The following ACOT11 variants were observed in gnomAD, a reference collection of about 807,000 sequenced individuals.
ACOT11 encodes acyl-coenzyme A thioesterase 11.
In ACOT11, 69 loss-of-function variants were observed where a neutral mutation model predicts 77.5. The observed-to-expected ratio is 0.89, with a 90% CI of 0.73 to 1.09. The LOEUF is 1.09. Ranked by LOEUF, ACOT11 falls within the 50% of genes least tolerant of loss-of-function variation. The probability of loss-of-function intolerance (pLI) is 0.00; values close to 1 mark genes in which losing one functional copy is unlikely to be tolerated. For synonymous variants in ACOT11, 279 were observed against 313.0 expected (o/e 0.89, Z 1.15); for missense variants, 766 against 813.7 (o/e 0.94, Z 0.71).
Position 54,594,049 on chromosome 1 carries a change from T to A in ACOT11, c.471+10T>A. Reference sequence around the variant, plus strand: ...CCGAGAGATCACCAAGGTAACTGGGTGCGCCTGGCTGCTGGAACGCTGCTC... The same window carrying A: ...CCGAGAGATCACCAAGGTAACTGGGAGCGCCTGGCTGCTGGAACGCTGCTC... On this transcript the variant is annotated intron_variant, in intron 5 of 15. Transcript: ENST00000343744. 1 of 1,611,132 alleles carries A rather than the reference T, an allele frequency of 6.2e-7. No individual in the cohort carries two copies. The highest frequency in any genetic ancestry group is 8.5e-7 in the Non-Finnish European group (1 of 1,178,398).
At chr1:54,601,508 A>G (rs1643963059) in intron 9 of ACOT11, 95 bp downstream of exon 9, 5 of 1,522,078 alleles carry the variant, frequency 3.3e-6, no homozygotes, top group Non-Finnish European at 3.5e-6. Flanking sequence ...ACAGACCTAG[A>G]GGCGTGAGGG....
chr1:54,610,651 C>T, downstream of ACOT11: 1 of 1,502,588 alleles, frequency 6.7e-7, no homozygotes, highest in Non-Finnish European at 8.9e-7. Flanking sequence ...CTACGGGCAT[C>T]CTCTCTAAGC....
rs1557667902 is a variant in ACOT11 at position 54,609,434 on chromosome 1, G to A, written c.*322G>A. On this transcript the variant is annotated 3_prime_UTR_variant, in exon 16 of 16. Coordinates refer to ENST00000343744, the MANE Select transcript of ACOT11 (RefSeq NM_147161.4). ...CACTGTGACGGTGGCCCGGGGGGAG[G>A]ATGCCAGCAGCCTGCCTATGGCTCC... The A allele has an allele frequency of 1.9e-6, 3 of 1,613,760 alleles. No homozygotes were observed. The highest frequency in any genetic ancestry group is 2.5e-6 in the Non-Finnish European group (3 of 1,180,026).
downstream of ACOT11, chr1:54,612,339 C>A: frequency 6.5e-6 from 4 of 615,870 alleles, no homozygotes; most frequent in Non-Finnish European, 1.1e-5. Flanking sequence ...GGTATGCAAG[C>A]AGAAAGCAGG....
chr1:54,562,258 A>T, intron 1 of ACOT11, among the ~76,000 whole-genome samples: 1 of 85,348 alleles, frequency 1.2e-5, no homozygotes, highest in Non-Finnish European at 2.3e-5. Context: ...GCGGCTGGCC[A>T]GGCGGGGGGC....
chr1:54,623,554 A>T (rs1644251998), intron 15 of ACOT11: 2 of 646,182 alleles, frequency 3.1e-6, no homozygotes, highest in Non-Finnish European at 5.5e-6. Flanking sequence ...CTCTGGAGAT[A>T]ACCCCTGAAG....
intron 3 of ACOT11, among the ~76,000 whole-genome samples, chr1:54,590,384 C>T (rs904124920): frequency 7.9e-5 from 12 of 152,046 alleles, no homozygotes; most frequent in Admixed American, 5.2e-4. Flanking sequence ...CCGGGAGCTC[C>T]GGGGCCCTGA....
chr1:54,604,965 A>G (rs1474308986), intron 12 of ACOT11, 111 bp from the exon 13 acceptor site: 2 of 1,154,540 alleles, frequency 1.7e-6, no homozygotes, highest in Admixed American at 2.2e-5. Context: ...CTGCGTGTTC[A>G]CATTCACACA....
chr1:54,586,281 C>T lies in ACOT11; in HGVS notation c.311+377C>T, dbSNP rs369157203. Among the ~76,000 whole-genome samples, 14 of 141,328 alleles carry T rather than the reference C, an allele frequency of 9.9e-5. No homozygotes were observed. The East Asian group carries it at 1.5e-3, about 15-fold the overall frequency. 92.7% of individuals were successfully genotyped at this position (141,328 alleles called of 152,430 possible). On this transcript the variant is annotated intron_variant, in intron 3 of 15. Coordinates refer to ENST00000343744, the MANE Select transcript of ACOT11 (RefSeq NM_147161.4). ...GTGCCTTTTTGAGCTTGGACATTCT[C>T]TTTGGGTCCTTGGTCATTGGGCTGT...
chr1:54,616,099 G>C, intron 15 of ACOT11: 1 of 1,614,172 alleles, frequency 6.2e-7, no homozygotes, highest in Non-Finnish European at 8.5e-7. Flanking sequence ...GGTGTGCCAT[G>C]ATGGGAACTC....
At chr1:54,623,093 T>G (rs561090354) in intron 15 of ACOT11, among the ~76,000 whole-genome samples, 101 of 151,728 alleles carry the variant, frequency 6.7e-4, no homozygotes, top group African/African-American at 2.4e-3. Context: ...GGAGAATCGC[T>G]TGAACCTGGG....
chr1:54,569,125 ATAAT>A (rs1166025078), intron 1 of ACOT11, among the ~76,000 whole-genome samples: 146 of 144,066 alleles, frequency 1.0e-3, no homozygotes, highest in African/African-American at 3.8e-3. Context: ...AAAAAAAAAA[ATAAT>A]TTTTTTTTTT....
At chr1:54,582,521 A>C (rs1654347690) in intron 1 of ACOT11, 1 of 985,328 alleles carries the variant, frequency 1.0e-6, no homozygotes, top group African/African-American at 1.7e-5. Flanking sequence ...CCCGTGGCAT[A>C]GGGTCCAACA....
chr1:54,614,695 C>G (rs775444262), downstream of ACOT11: 138 of 1,609,022 alleles, frequency 8.6e-5, 1 homozygote, highest in Non-Finnish European at 1.1e-4. Flanking sequence ...GAGGCGAACA[C>G]TCACTGTGTG....
At chr1:54,631,002 C>T (rs538201033) in intron 16 of ACOT11, 12 of 487,910 alleles carry the variant, frequency 2.5e-5, no homozygotes, top group African/African-American at 1.8e-4. Context: ...AACAGTATAG[C>T]GAAGTAACAG....
intron 15 of ACOT11, among the ~76,000 whole-genome samples, chr1:54,622,671 C>G (rs571668867): frequency 2.0e-5 from 3 of 151,598 alleles, no homozygotes; most frequent in Non-Finnish European, 2.9e-5. Context: ...TCCAGGAGGC[C>G]GAGGCTGCAG....
rs764019419 is a variant in ACOT11 at position 54,607,282 on chromosome 1, TGTGGG to T, written c.1502+24_1502+28del. Reference sequence around the variant, plus strand: ...TGACAATGGGTGTGTGCCTATCTGCTGTGGGGTGGGGGACACAACTGGACAGGGTG... The same window carrying T: ...TGACAATGGGTGTGTGCCTATCTGCTGTGGGGGACACAACTGGACAGGGTG... On this transcript the variant is annotated intron_variant, in intron 14 of 15. Coordinates refer to ENST00000343744, the MANE Select transcript of ACOT11 (RefSeq NM_147161.4). The surrounding 1 kb of genome is among the most constrained non-coding windows in gnomAD (Gnocchi z 4.5). 1.9e-6 allele frequency: 3 copies of T among 1,613,676 alleles called. No homozygotes were observed. In the African/African-American group the frequency reaches 4.0e-5, roughly 22 times the overall value.
exon 17 of ACOT11, chr1:54,635,227 T>C: frequency 4.4e-6 from 1 of 225,900 alleles, no homozygotes; most frequent in Non-Finnish European, 8.7e-6. Flanking sequence ...TATGGAATCA[T>C]TACTAATTGG....
chr1:54,606,443 CTGTGTGGGTGTCCT>C (rs1569765517), intron 13 of ACOT11, among the ~76,000 whole-genome samples: 2 of 152,154 alleles, frequency 1.3e-5, no homozygotes, highest in African/African-American at 2.4e-5. Flanking sequence ...ATGCCTGCCT[CTGTGTGGGTGTCCT>C]TGTGTGGGTG....
Sources: gnomAD v4.1 joint callset for allele counts (sites outside exome capture counted in the v4.1 genomes callset) on GRCh38, gnomAD v4.1.1 for gene constraint, Gnocchi (gnomAD v3.1) non-coding constraint, MANE v1.5 for transcripts, NCBI Gene and HGNC (gene_info 2026-07-23, HGNC 2026-07-21) for gene names.